Variants in C10orf67 observed in about 807,000 individuals in gnomAD.
The protein encoded by C10orf67 is uncharacterized protein C10orf67, mitochondrial.
C10orf67 carries 60 observed loss-of-function variants against 35.6 expected under a neutral mutation model. That is an observed-to-expected ratio of 1.68 (90% confidence interval 1.37 to 2.09). The LOEUF is 2.09. C10orf67 is among the 30% of genes most tolerant of loss of function. C10orf67 has a pLI of 0.00. For missense variants in C10orf67, 474 were observed against 330.2 expected (o/e 1.44, Z -3.38); for synonymous variants, 167 against 115.8 (o/e 1.44, Z -2.84).
intron 1 of C10orf67, among the ~76,000 whole-genome samples, chr10:23,339,569 T>C (rs1364631404): frequency 1.3e-5 from 2 of 152,188 alleles, no homozygotes; most frequent in Admixed American, 6.5e-5. Flanking sequence ...TGTCACACCC[T>C]CTGGCAAGTT....
At chr10:23,289,332 T>A (rs142636840) in intron 7 of C10orf67, among the ~76,000 whole-genome samples, 1 of 152,276 alleles carries the variant, frequency 6.6e-6, no homozygotes, top group African/African-American at 2.4e-5. Flanking sequence ...CTCGGCTAAT[T>A]TTTTTAATTT....
chr10:23,337,433 C>T (rs79862790), intron 1 of C10orf67, among the ~76,000 whole-genome samples: 2 of 152,090 alleles, frequency 1.3e-5, no homozygotes, highest in African/African-American at 4.8e-5. Flanking sequence ...ACTTGGGAGG[C>T]TGAGGTGGGA....
At chr10:23,223,878 G>T (rs1301401634) in intron 13 of C10orf67, 60 bp from the exon 14 acceptor site, 3 of 706,352 alleles carry the variant, frequency 4.2e-6, no homozygotes, top group African/African-American at 1.8e-5. Flanking sequence ...CAAATCAAAT[G>T]GACGTTAATG....
chr10:23,235,744 G>A (rs1842029828), intron 13 of C10orf67, among the ~76,000 whole-genome samples: 1 of 152,172 alleles, frequency 6.6e-6, no homozygotes, highest in Non-Finnish European at 1.5e-5. Context: ...CACATGAAAA[G>A]ATGCTCAACG....
chr10:23,270,880 C>A (rs930952751), intron 8 of C10orf67, among the ~76,000 whole-genome samples: 1 of 152,166 alleles, frequency 6.6e-6, no homozygotes. Flanking sequence ...CTGGGTGGGG[C>A]CTCCCTGCAG....
Position 23,239,725 on chromosome 10 carries a change from T to C in C10orf67, c.1434+4A>G, listed in dbSNP as rs1842132815. 1.5e-6 allele frequency: 1 copy of C among 652,158 alleles called. No homozygotes were observed. The highest frequency in any genetic ancestry group is 1.7e-5 in the South Asian group (1 of 59,204). The allele number at this position is 652,158 out of a possible 1,614,324, so 40.4% of individuals were successfully genotyped here. On this transcript the variant is annotated splice_donor_region_variant and intron_variant, in intron 13 of 15. Coordinates refer to ENST00000636213, the MANE Select transcript of C10orf67 (RefSeq NM_001371909.1). The stretch of plus-strand genomic sequence containing the variant: ...AACAGCATCTAAACATTACATGCAC[T>C]TACAATATAATTGAAGGATGTGTCA...
At chr10:23,223,709 A>C in intron 14 of C10orf67, 35 bp downstream of exon 14, 1 of 716,884 alleles carries the variant, frequency 1.4e-6, no homozygotes, top group Non-Finnish European at 2.6e-6. Flanking sequence ...ATATTAACTC[A>C]GTAAATATTT....
intron 4 of C10orf67, among the ~76,000 whole-genome samples, chr10:23,311,572 G>GT (rs1298423281): frequency 6.6e-6 from 1 of 152,122 alleles, no homozygotes; most frequent in African/African-American, 2.4e-5. Context: ...TTAGCCAGGT[G>GT]TGGTGTCACA....
intron 13 of C10orf67, among the ~76,000 whole-genome samples, chr10:23,237,263 A>C (rs1842074363): frequency 6.6e-6 from 1 of 151,952 alleles, no homozygotes; most frequent in Admixed American, 6.6e-5. Context: ...TATGTACCAC[A>C]TTTTCTTTGT....
chr10:23,298,338 G>A (rs1002951218), intron 5 of C10orf67, among the ~76,000 whole-genome samples: 1 of 152,210 alleles, frequency 6.6e-6, no homozygotes, highest in African/African-American at 2.4e-5. Flanking sequence ...GTATGCCACA[G>A]GTTGCAAGCT....
chr10:23,297,173 G>C (rs1470627255), intron 5 of C10orf67, among the ~76,000 whole-genome samples: 2 of 151,762 alleles, frequency 1.3e-5, no homozygotes, highest in Non-Finnish European at 2.9e-5. Context: ...TCTAATGGAG[G>C]GTCCTTCCTT....
intron 10 of C10orf67, among the ~76,000 whole-genome samples, chr10:23,252,097 T>C (rs190603026): frequency 2.6e-4 from 40 of 152,342 alleles, no homozygotes; most frequent in African/African-American, 9.4e-4. Context: ...AAAAATCCTA[T>C]TAGAAAGGTG....
chr10:23,291,012 A>G (rs1843703626), intron 6 of C10orf67, 120 bp downstream of exon 6: 1 of 590,736 alleles, frequency 1.7e-6, no homozygotes, highest in Non-Finnish European at 3.0e-6. Flanking sequence ...TGGCTATGAA[A>G]TTCATCTTTC....
At chr10:23,205,114 G>A (rs935401946) in intron 15 of C10orf67, among the ~76,000 whole-genome samples, 2 of 152,204 alleles carry the variant, frequency 1.3e-5, no homozygotes, top group Non-Finnish European at 2.9e-5. Context: ...GCTTTCAATG[G>A]TTGGGAGGTT....
At chr10:23,320,996 A>G (rs754379469) in intron 3 of C10orf67, among the ~76,000 whole-genome samples, 181 bp from the exon 4 acceptor site, 15 of 152,202 alleles carry the variant, frequency 9.9e-5, no homozygotes, top group Non-Finnish European at 1.6e-4. Context: ...TTTTACTTAT[A>G]CTCAACCAAA....
intron 5 of C10orf67, among the ~76,000 whole-genome samples, chr10:23,302,077 A>G (rs1053502945): frequency 6.6e-5 from 10 of 152,214 alleles, no homozygotes; most frequent in African/African-American, 2.4e-4. Flanking sequence ...ACGGACCAGA[A>G]GAGTGCAGTT....
intron 10 of C10orf67, among the ~76,000 whole-genome samples, chr10:23,251,626 G>T (rs1842457488): frequency 6.6e-6 from 1 of 152,146 alleles, no homozygotes. Flanking sequence ...CTCTTCATAA[G>T]GCTAATTCTC....
intron 12 of C10orf67, among the ~76,000 whole-genome samples, chr10:23,249,813 T>A (rs1248814487): frequency 6.6e-6 from 1 of 152,160 alleles, no homozygotes; most frequent in Non-Finnish European, 1.5e-5. Context: ...GAACTTCCCA[T>A]ACATGTTCCC....
At chr10:23,289,592 T>C (rs1257699431) in intron 7 of C10orf67, among the ~76,000 whole-genome samples, 3 of 152,262 alleles carry the variant, frequency 2.0e-5, no homozygotes. Context: ...TCATTTTTAA[T>C]ATAACTTTTT....
Sources: allele counts gnomAD v4.1 joint callset (sites outside exome capture counted in the v4.1 genomes callset), GRCh38; gene constraint gnomAD v4.1.1; transcripts MANE v1.5; gene names NCBI Gene and HGNC (gene_info 2026-07-23, HGNC 2026-07-21).